Variants in NBPF9 observed in about 807,000 individuals in gnomAD.
NBPF9 encodes the protein NBPF family member NBPF9.
NBPF9 carries 91 observed loss-of-function variants against 97.8 expected under a neutral mutation model. That is an observed-to-expected ratio of 0.93 (90% CI 0.79 to 1.11). The LOEUF is 1.11. Ranked by LOEUF, NBPF9 falls within the 50% of genes least tolerant of loss-of-function variation. The probability of loss-of-function intolerance (pLI) is 0.00; values close to 1 mark genes in which losing one functional copy is unlikely to be tolerated. For missense variants in NBPF9, 992 were observed against 939.5 expected, an observed-to-expected ratio of 1.06 and a Z score of -0.73; for synonymous variants, 334 against 359.5, an observed-to-expected ratio of 0.93 and a Z score of 0.80.
rs782255491 is a variant in NBPF9, at chr1:149,079,232, A to G, written c.279-11T>C. On this transcript the variant is annotated splice_polypyrimidine_tract_variant and intron_variant, in intron 8 of 29. Transcript: ENST00000584027. ...AGGACTTTATATTGCCTAAGGTGAG[A>G]CGGTAGAGAAAATTTAAGAGTAGAA... The G allele has an allele frequency of 3.8e-6, 3 of 792,134 alleles. No homozygotes were observed. Among genetic ancestry groups the G allele is most frequent in the Non-Finnish European group, 4.6e-6 (2 of 437,674 alleles). The allele number at this position is 792,134 out of a possible 1,614,324, so 49.1% of individuals were successfully genotyped here.
At chr1:149,063,199 G>A (rs1482214943) in intron 20 of NBPF9, among the ~76,000 whole-genome samples, 1 of 139,198 alleles carries the variant, frequency 7.2e-6, no homozygotes, top group Non-Finnish European at 1.5e-5. Flanking sequence ...TCGATTTAAA[G>A]CAAATGCCCC....
intron 5 of NBPF9, among the ~76,000 whole-genome samples, chr1:149,088,519 T>C (rs1217114027): frequency 1.3e-5 from 2 of 152,206 alleles, no homozygotes; most frequent in Non-Finnish European, 2.9e-5. Context: ...TTTAATATAA[T>C]GTTACCTGTG....
Position 149,074,142 on chromosome 1 carries a change from G to A in NBPF9, c.989-272C>T, listed in dbSNP as rs587693114. ...CAACGAAGTGGAGTCAGAATTCACA[G>A]TCCCTGAGGTCTGACTCTGAATGCG... On this transcript the variant is annotated intron_variant, in intron 12 of 29. Coordinates refer to ENST00000584027, the Ensembl canonical transcript of NBPF9. Among the ~76,000 whole-genome samples, 16 of 151,450 alleles carry A rather than the reference G, an allele frequency of 1.1e-4. No homozygotes were observed. The East Asian group carries it at 3.1e-3, about 29-fold the overall frequency.
At chr1:149,099,096 C>T (rs2081976409) in intron 3 of NBPF9, among the ~76,000 whole-genome samples, 1 of 151,510 alleles carries the variant, frequency 6.6e-6, no homozygotes, top group Non-Finnish European at 1.5e-5. Flanking sequence ...CTTGAGTAGC[C>T]AGGGAAGTTT....
chr1:149,059,829 G>C, intron 24 of NBPF9, 21 bp from the exon 25 acceptor site: 1 of 530,760 alleles, frequency 1.9e-6, no homozygotes, highest in East Asian at 2.7e-5. Context: ...TTCAGACATG[G>C]ACAGACACAT....
At chr1:149,058,869 C>T in intron 26 of NBPF9, 56 bp downstream of exon 26, 1 of 685,838 alleles carries the variant, frequency 1.5e-6, no homozygotes, top group South Asian at 1.5e-5. Context: ...ACAGGAATAT[C>T]ACCCCTATCT....
intron 29 of NBPF9, 55 bp from the exon 30 acceptor site, chr1:149,055,954 G>A (rs1452693424): frequency 2.1e-4 from 333 of 1,611,686 alleles, no homozygotes; most frequent in Non-Finnish European, 2.5e-4. Context: ...ACACCACAGA[G>A]CCCCACTAGA....
chr1:149,079,886 T>G (rs1471534824), intron 8 of NBPF9, among the ~76,000 whole-genome samples, 167 bp downstream of exon 8: 1 of 152,238 alleles, frequency 6.6e-6, no homozygotes, highest in Non-Finnish European at 1.5e-5. Flanking sequence ...AACACAGAAC[T>G]TATTATTATC....
rs587691437 is a variant in NBPF9 at position 149,055,824 on chromosome 1, C to G, written c.3168G>C (p.Pro1056=). The change falls in exon 30 of 30, where the codon CCG becomes CCC. Residue 1056 remains proline, a synonymous_variant. Coordinates refer to ENST00000584027, the Ensembl canonical transcript of NBPF9. The stretch of plus-strand genomic sequence containing the variant: ...AGTCAGGTAGTTCAAAGTACATTGA[C>G]GGAGTAGAATAACATCCATCCAGTG... The G allele has an allele frequency of 4.4e-6, 7 of 1,606,356 alleles. No individual in the cohort carries two copies. In the South Asian group the frequency reaches 6.7e-5, roughly 15 times the overall value.
At chr1:149,099,861 A>T (rs2152927305) in intron 3 of NBPF9, among the ~76,000 whole-genome samples, 2 of 151,200 alleles carry the variant, frequency 1.3e-5, no homozygotes, top group East Asian at 4.1e-4. Context: ...GCATGCCTGT[A>T]GACCCAGCTA....
chr1:149,072,954 A>G, intron 13 of NBPF9, 22 bp from the exon 14 acceptor site: 2 of 1,604,496 alleles, frequency 1.2e-6, no homozygotes, highest in African/African-American at 1.3e-5. Context: ...TGGTAGAGAA[A>G]AATTAAGAGT....
intron 4 of NBPF9, among the ~76,000 whole-genome samples, chr1:149,094,941 A>T (rs76795929): frequency 4.1e-5 from 6 of 147,804 alleles, no homozygotes; most frequent in East Asian, 2.0e-4. Context: ...CATTAAAAAC[A>T]CCTTGAAGAC....
At chr1:149,076,631 T>C (rs1293915861) in intron 11 of NBPF9, among the ~76,000 whole-genome samples, 1 of 149,718 alleles carries the variant, frequency 6.7e-6, no homozygotes, top group Non-Finnish European at 1.5e-5. Flanking sequence ...GCCTCCTGAG[T>C]AGCTGGGACT....
At chr1:149,055,823 A>T (rs782369997) in exon 30 of NBPF9, 5 of 1,606,618 alleles carry the variant, frequency 3.1e-6, no homozygotes, top group Non-Finnish European at 4.2e-6. Flanking sequence ...AAGTACATTG[A>T]CGGAGTAGAA....
intron 14 of NBPF9, among the ~76,000 whole-genome samples, chr1:149,071,905 C>T (rs1391076330): frequency 6.6e-6 from 1 of 151,876 alleles, no homozygotes; most frequent in African/African-American, 2.4e-5. Flanking sequence ...ATTGAAAAGA[C>T]CTTTCGCTTC....
intron 3 of NBPF9, among the ~76,000 whole-genome samples, chr1:149,100,061 C>T (rs587598132): frequency 7.0e-6 from 1 of 143,418 alleles, no homozygotes; most frequent in Non-Finnish European, 1.5e-5. Flanking sequence ...ATCACGTCGG[C>T]CCTTTAAATG....
chr1:149,082,979 T>TTTG (rs2080645351), intron 5 of NBPF9, among the ~76,000 whole-genome samples: 1 of 129,982 alleles, frequency 7.7e-6, no homozygotes, highest in African/African-American at 3.0e-5. Context: ...TTTTTTTTTT[T>TTTG]TTTGTATTTT....
rs1228759418 is a variant in NBPF9, at chr1:149,059,290, G to A, written c.2586-193C>T. 4.6e-5 allele frequency: 22 copies of A among 482,580 alleles called. 2 individuals carry two copies. The highest frequency in any genetic ancestry group is 2.0e-4 in the East Asian group (7 of 35,416). 29.9% of individuals were successfully genotyped at this position (482,580 alleles called of 1,614,324 possible). A position where few individuals can be genotyped will look rare whatever the true frequency, so the allele number is the denominator to read the frequency against. ...AGAAAAGAATGAAAGAGAAAGACAG[G>A]GAGAGACAGAGACAGAGACAGAGAG... On this transcript the variant is annotated intron_variant, in intron 25 of 29. Coordinates refer to ENST00000584027, the Ensembl canonical transcript of NBPF9.
chr1:149,095,697 G>A (rs1553661305), intron 4 of NBPF9, among the ~76,000 whole-genome samples: 1 of 151,224 alleles, frequency 6.6e-6, no homozygotes, highest in African/African-American at 2.4e-5. Flanking sequence ...ATAAGCATAT[G>A]AGAAAGATGT....
Sources: gnomAD v4.1 joint callset for allele counts (sites outside exome capture counted in the v4.1 genomes callset) on GRCh38, gnomAD v4.1.1 for gene constraint, MANE v1.5 for transcripts, NCBI Gene and HGNC (gene_info 2026-07-23, HGNC 2026-07-21) for gene names.